AGBL1: variants seen among roughly 807,000 people sequenced by gnomAD.
The protein encoded by AGBL1 is cytosolic carboxypeptidase 4.
A neutral mutation model predicts 118.9 loss-of-function variants in AGBL1; 130 were observed. The observed-to-expected ratio is 1.09, with a 90% CI of 0.95 to 1.26. AGBL1 has a LOEUF of 1.26. AGBL1 is among the 50% of genes most tolerant of loss of function. The probability of loss-of-function intolerance (pLI) is 0.00; values close to 1 mark genes in which losing one functional copy is unlikely to be tolerated. For synonymous variants in AGBL1, 555 were observed against 478.9 expected (o/e 1.16, Z -2.08); for missense variants, 1,584 against 1,298.1 (o/e 1.22, Z -3.38).
chr15:86,730,527 C>T (rs749917667), intron 22 of AGBL1, among the ~76,000 whole-genome samples: 50 of 152,206 alleles, frequency 3.3e-4, no homozygotes, highest in Non-Finnish European at 6.6e-4. Flanking sequence ...TTTCTTCCAT[C>T]ATCCCAGGCT....
intron 5 of AGBL1, among the ~76,000 whole-genome samples, chr15:86,203,575 A>G (rs1035888946): frequency 2.0e-5 from 3 of 151,770 alleles, no homozygotes; most frequent in Admixed American, 6.6e-5. Flanking sequence ...TGACAGATTG[A>G]CTCCTACTTG....
chr15:86,097,338 A>G (rs761399929), intron 1 of AGBL1, among the ~76,000 whole-genome samples: 3 of 152,096 alleles, frequency 2.0e-5, no homozygotes, highest in Non-Finnish European at 4.4e-5. Context: ...TCTCTCTTCT[A>G]GCTCTATTTA....
At chr15:86,446,921 C>T (rs140196899) in intron 18 of AGBL1, among the ~76,000 whole-genome samples, 1 of 152,228 alleles carries the variant, frequency 6.6e-6, no homozygotes, top group East Asian at 1.9e-4. Context: ...TTCTGTGTTA[C>T]AGAAGCAAAT....
chr15:86,819,019 T>G (rs74027120), intron 22 of AGBL1, among the ~76,000 whole-genome samples: 2,052 of 152,236 alleles, frequency 0.013, 42 homozygotes, highest in African/African-American at 0.046. Flanking sequence ...CAGTTGTTGT[T>G]TATGCCTTTA....
At chr15:86,178,088 C>A (rs2077505440) in intron 5 of AGBL1, among the ~76,000 whole-genome samples, 3 of 152,232 alleles carry the variant, frequency 2.0e-5, no homozygotes, top group South Asian at 2.1e-4. Context: ...CCAAGGTGGG[C>A]AGATCACGAG....
intron 1 of AGBL1, chr15:86,080,426 C>T (rs1235887077): frequency 6.2e-6 from 1 of 162,030 alleles, no homozygotes. Context: ...GGAGAGGACC[C>T]TTCTGGGTAT....
At chr15:86,764,409 T>G (rs1435613969) in intron 22 of AGBL1, among the ~76,000 whole-genome samples, 1 of 151,918 alleles carries the variant, frequency 6.6e-6, no homozygotes, top group East Asian at 1.9e-4. Flanking sequence ...ATGATAGGGG[T>G]ATTGGCCAAA....
At chr15:86,185,356 C>G (rs1378565240) in intron 5 of AGBL1, among the ~76,000 whole-genome samples, 2 of 152,150 alleles carry the variant, frequency 1.3e-5, no homozygotes, top group African/African-American at 2.4e-5. Flanking sequence ...GGTGATTCCT[C>G]AAGGATCTAG....
At chr15:86,339,974 A>G (rs529487235) in intron 17 of AGBL1, among the ~76,000 whole-genome samples, 70 of 152,132 alleles carry the variant, frequency 4.6e-4, no homozygotes, top group Non-Finnish European at 7.6e-4. Context: ...CAAAAAAAAA[A>G]AAAAGTTTTT....
At chr15:86,523,268 T>G (rs2083214531) in intron 19 of AGBL1, among the ~76,000 whole-genome samples, 6 of 152,218 alleles carry the variant, frequency 3.9e-5, no homozygotes, top group Admixed American at 3.9e-4. Context: ...GCTAGCAATC[T>G]TTAGCATTCC....
At position 86,422,017 on chromosome 15, in the gene AGBL1, C is replaced by G. The variant is rs185826847; in HGVS notation, c.2555+24471C>G. ...AATAATAGTGGGAGGCTTTAACACC[C>G]CACTGTCAATATTAGATCAACGAGA... is the stretch of plus-strand genomic sequence containing the variant. On this transcript the variant is annotated intron_variant, in intron 18 of 22. Transcript: ENST00000614907. Among the ~76,000 whole-genome samples the G allele has an allele frequency of 2.0e-3, 303 of 152,158 alleles. 2 individuals are homozygous for G. The highest frequency in any genetic ancestry group is 3.5e-3 in the Admixed American group (54 of 15,274).
chr15:86,984,446 C>T (rs2081261673), intron 23 of AGBL1, among the ~76,000 whole-genome samples: 1 of 151,144 alleles, frequency 6.6e-6, no homozygotes. Flanking sequence ...CTCACTGCAA[C>T]CTCCGCCCCG....
At chr15:86,929,907 T>C (rs2080585155) in intron 23 of AGBL1, among the ~76,000 whole-genome samples, 1 of 152,230 alleles carries the variant, frequency 6.6e-6, no homozygotes, top group Non-Finnish European at 1.5e-5. Flanking sequence ...TCATGGAGGT[T>C]GCCTACCTGC....
At chr15:86,307,532 G>A (rs1015759061) in intron 17 of AGBL1, among the ~76,000 whole-genome samples, 4 of 151,932 alleles carry the variant, frequency 2.6e-5, no homozygotes, top group Admixed American at 2.6e-4. Context: ...TACAGATGAT[G>A]GAAGTAAGAC....
intron 22 of AGBL1, among the ~76,000 whole-genome samples, chr15:86,742,782 G>A (rs951647381): frequency 6.6e-6 from 1 of 152,050 alleles, no homozygotes; most frequent in East Asian, 1.9e-4. Context: ...GTCTCCTTAT[G>A]CAGAATAAAC....
chr15:86,342,308 C>T (rs962537487), intron 17 of AGBL1, among the ~76,000 whole-genome samples: 3 of 152,108 alleles, frequency 2.0e-5, no homozygotes, highest in Admixed American at 2.0e-4. Context: ...ATATGTTGGA[C>T]TAGCTTTTCT....
At chr15:86,924,707 C>T (rs560401180) in intron 23 of AGBL1, among the ~76,000 whole-genome samples, 14 of 152,192 alleles carry the variant, frequency 9.2e-5, no homozygotes, top group African/African-American at 2.4e-4. Context: ...TTTTTGGCAG[C>T]GGATAGTTTC....
chr15:86,593,750 C>G (rs978002913), intron 21 of AGBL1, among the ~76,000 whole-genome samples: 5 of 152,150 alleles, frequency 3.3e-5, no homozygotes, highest in African/African-American at 4.8e-5. Context: ...CCTCCTACTA[C>G]TTTGTAGTTA....
intron 17 of AGBL1, among the ~76,000 whole-genome samples, chr15:86,395,370 T>G (rs2081347758): frequency 6.6e-6 from 1 of 152,088 alleles, no homozygotes; most frequent in African/African-American, 2.4e-5. Context: ...TAAATAATAC[T>G]TATTTTGCAA....
Sources: gnomAD v4.1 joint callset for allele counts (sites outside exome capture counted in the v4.1 genomes callset) on GRCh38, gnomAD v4.1.1 for gene constraint, MANE v1.5 for transcripts, NCBI Gene and HGNC (gene_info 2026-07-23, HGNC 2026-07-21) for gene names.